The following RPTOR variants were observed in gnomAD, a reference collection of about 807,000 sequenced individuals.
RPTOR encodes regulatory-associated protein of mTOR.
A neutral mutation model predicts 169.9 loss-of-function variants in RPTOR; 21 were observed. That is an observed-to-expected ratio of 0.12 (90% CI 0.09 to 0.18). The LOEUF is 0.18. Ranked by LOEUF, RPTOR falls within the 10% of genes least tolerant of loss-of-function variation. RPTOR has a pLI of 1.00. For missense variants in RPTOR, 1,133 were observed against 1,855.9 expected (o/e 0.61, Z 7.16); for synonymous variants, 732 against 753.2 (o/e 0.97, Z 0.46).
chr17:80,890,472 A>G (rs1361222586), intron 17 of RPTOR, among the ~76,000 whole-genome samples: 1 of 147,838 alleles, frequency 6.8e-6, no homozygotes, highest in African/African-American at 2.5e-5. Flanking sequence ...CGAGCGCCAG[A>G]ACCGGGGCGT....
intron 1 of RPTOR, among the ~76,000 whole-genome samples, chr17:80,621,918 C>G (rs1350019543): frequency 4.6e-5 from 7 of 152,220 alleles, no homozygotes; most frequent in Admixed American, 4.6e-4. Flanking sequence ...CAGACAAGCC[C>G]CAGGGCAGCG....
At chr17:80,921,467 G>T (rs969493168) in intron 21 of RPTOR, among the ~76,000 whole-genome samples, 6 of 152,214 alleles carry the variant, frequency 3.9e-5, no homozygotes, top group Admixed American at 6.5e-5. Flanking sequence ...GAAGCACCTG[G>T]GCCCTCGCGA....
intron 21 of RPTOR, among the ~76,000 whole-genome samples, chr17:80,909,157 A>C (rs965184067): frequency 6.6e-6 from 1 of 152,162 alleles, no homozygotes; most frequent in African/African-American, 2.4e-5. Flanking sequence ...TGTCAAGGCA[A>C]TTAGGGGAGG....
rs975658682 is a variant in RPTOR, at chr17:80,545,204, C to T, written c.-426C>T. 3.0e-5 allele frequency: 7 copies of T among 236,018 alleles called. No homozygotes were observed. The highest frequency in any genetic ancestry group is 1.5e-4 in the African/African-American group (7 of 45,432). The allele number at this position is 236,018 out of a possible 1,614,324, so 14.6% of individuals were successfully genotyped here. On this transcript the variant is annotated 5_prime_UTR_variant, in exon 1 of 34. Coordinates refer to ENST00000306801, the MANE Select transcript of RPTOR (RefSeq NM_020761.3). ...GCCGGAGACCTCAGCCCAGTCGGCC[C>T]AGTGGGCGAACCGGCACCAAGAGCG...
intron 2 of RPTOR, among the ~76,000 whole-genome samples, chr17:80,634,503 CATACTGTGTGTGT>C (rs2065478580): frequency 2.2e-5 from 2 of 90,040 alleles, no homozygotes; most frequent in African/African-American, 1.2e-4. Flanking sequence ...TGTGTGTGTG[CATACTGTGTGTGT>C]GTGCGTACTG....
At chr17:80,958,401 G>GTTTTTTT (rs2069285064) in intron 29 of RPTOR, among the ~76,000 whole-genome samples, 6 of 106,752 alleles carry the variant, frequency 5.6e-5, no homozygotes, top group African/African-American at 2.2e-4. Flanking sequence ...GAAGATTTTT[G>GTTTTTTT]TTTCTTTTTT....
chr17:80,603,332 T>A (rs1335632583), intron 1 of RPTOR, among the ~76,000 whole-genome samples: 1 of 152,222 alleles, frequency 6.6e-6, no homozygotes, highest in African/African-American at 2.4e-5. Flanking sequence ...TCTGGGAGCT[T>A]CACATCTAGG....
rs1469540348 is a variant in RPTOR, at chr17:80,908,893, C to T, written c.2484C>T (p.Asp828=). Residue 828 remains aspartate, a synonymous_variant, in exon 21 of 34, where the codon GAC becomes GAT. Transcript: ENST00000306801. The part of the protein sequence containing the change: ...LAADPYPEVS[D]VAMKVLNSIA... ...CTGACCCCTATCCAGAGGTCTCGGA[C>T]GTGGCCATGAAAGTACTCAACAGCA... 4.3e-6 allele frequency: 7 copies of T among 1,613,950 alleles called. No homozygotes were observed. Among genetic ancestry groups the T allele is most frequent in the African/African-American group, 4.0e-5 (3 of 74,922 alleles).
At chr17:80,835,045 C>T (rs1189345000) in intron 9 of RPTOR, among the ~76,000 whole-genome samples, 1 of 152,148 alleles carries the variant, frequency 6.6e-6, no homozygotes, top group Non-Finnish European at 1.5e-5. Context: ...ATACCATTTG[C>T]CTGCAGCTGG....
intron 1 of RPTOR, among the ~76,000 whole-genome samples, chr17:80,625,444 T>C (rs552020703): frequency 9.8e-5 from 15 of 152,294 alleles, no homozygotes; most frequent in African/African-American, 3.6e-4. Context: ...TAAGGAAGCC[T>C]GAGAATAGCC....
chr17:80,665,107 T>G (rs1021492169), intron 3 of RPTOR, among the ~76,000 whole-genome samples: 41 of 152,244 alleles, frequency 2.7e-4, no homozygotes, highest in Middle Eastern at 3.4e-3. Context: ...TACCTGTTTT[T>G]GCTGTTGTCA....
chr17:80,953,378 C>T (rs2069207204), intron 28 of RPTOR, among the ~76,000 whole-genome samples: 2 of 152,246 alleles, frequency 1.3e-5, no homozygotes, highest in Admixed American at 1.3e-4. Context: ...TCAGGCAGTC[C>T]TCCTACCTCA....
At chr17:80,743,006 T>C (rs951783063) in intron 5 of RPTOR, among the ~76,000 whole-genome samples, 2 of 152,196 alleles carry the variant, frequency 1.3e-5, no homozygotes, top group Admixed American at 6.5e-5. Flanking sequence ...TTCACATATG[T>C]TCCTTTCTAA....
At chr17:80,688,622 G>C (rs1343605247) in intron 3 of RPTOR, among the ~76,000 whole-genome samples, 2 of 152,198 alleles carry the variant, frequency 1.3e-5, no homozygotes, top group African/African-American at 4.8e-5. Flanking sequence ...GGCTTCCTGT[G>C]GGTTCCACTG....
chr17:80,877,251 C>T lies in RPTOR; in HGVS notation c.1510-3164C>T, dbSNP rs796800428. Among the ~76,000 whole-genome samples the T allele has an allele frequency of 1.5e-4, 23 of 152,328 alleles. 2 individuals carry two copies. Among genetic ancestry groups the T allele is most frequent in the African/African-American group, 5.1e-4 (21 of 41,570 alleles). On this transcript the variant is annotated intron_variant, in intron 13 of 33. Coordinates refer to ENST00000306801, the MANE Select transcript of RPTOR (RefSeq NM_020761.3). Reference sequence around the variant, plus strand: ...AGTCCACCCCAGTCCCCCTAGCCAGCGAAGTGGGAGCTCCCAGGTTCCTGC... The same window carrying T: ...AGTCCACCCCAGTCCCCCTAGCCAGTGAAGTGGGAGCTCCCAGGTTCCTGC...
intron 5 of RPTOR, 32 bp from the exon 6 acceptor site, chr17:80,753,978 C>T (rs2066655396): frequency 1.9e-6 from 3 of 1,588,578 alleles, no homozygotes; most frequent in Non-Finnish European, 2.6e-6. Context: ...AGCTAAATCA[C>T]ACTCTCTTTT....
intron 20 of RPTOR, among the ~76,000 whole-genome samples, chr17:80,903,195 A>G (rs536476255): frequency 3.3e-5 from 5 of 152,208 alleles, no homozygotes; most frequent in African/African-American, 1.2e-4. Context: ...CGCCCTGCTC[A>G]CCCAGAGGAG....
intron 1 of RPTOR, among the ~76,000 whole-genome samples, chr17:80,561,263 G>GTATATATATATATATATATATATATA (rs1555713889): frequency 1.1e-3 from 22 of 19,622 alleles, no homozygotes; most frequent in African/African-American, 1.8e-3. Flanking sequence ...ATATATATAT[G>GTATATATATATATATATATATATATA]TATATATATA....
intron 5 of RPTOR, among the ~76,000 whole-genome samples, chr17:80,749,453 G>A: frequency 9.2e-6 from 1 of 108,254 alleles, no homozygotes; most frequent in African/African-American, 3.6e-5. Context: ...TAGAGGCCGT[G>A]GCGGGAGGAC....
Sources: allele counts gnomAD v4.1 joint callset (sites outside exome capture counted in the v4.1 genomes callset), GRCh38; gene constraint gnomAD v4.1.1; transcripts MANE v1.5; gene names NCBI Gene and HGNC (gene_info 2026-07-23, HGNC 2026-07-21).